Variants in ANK2 observed in about 807,000 individuals in gnomAD.
ANK2 encodes ankyrin-2.
ANK2 carries 83 observed loss-of-function variants against 360.5 expected under a neutral mutation model. The observed-to-expected ratio is 0.23, with a 90% CI of 0.19 to 0.28. The LOEUF is 0.28. ANK2 is among the 10% of genes least tolerant of loss of function. The probability of loss-of-function intolerance (pLI) is 1.00; values close to 1 mark genes in which losing one functional copy is unlikely to be tolerated. For synonymous variants in ANK2, 1,740 were observed against 1,759.5 expected (o/e 0.99, Z 0.28); for missense variants, 4,201 against 4,795.7 (o/e 0.88, Z 3.66).
At chr4:112,728,417 A>G in the ANK2 span, among the ~76,000 whole-genome samples, 2 of 152,114 alleles carry the variant, frequency 1.3e-5, no homozygotes, top group Non-Finnish European at 2.9e-5. Context: ...GAAGAAATTG[A>G]TACATTCTTA....
At chr4:112,832,223 C>G in intron 1 of ANK2, among the ~76,000 whole-genome samples, 1 of 152,270 alleles carries the variant, frequency 6.6e-6, no homozygotes, top group Middle Eastern at 3.4e-3. Context: ...AGGCTAATTT[C>G]TGTATTTTTA....
the ANK2 span, among the ~76,000 whole-genome samples, chr4:112,781,763 A>G: frequency 6.6e-6 from 1 of 151,946 alleles, no homozygotes; most frequent in South Asian, 2.1e-4. Flanking sequence ...CAAGCAACGA[A>G]TTTTAACAGT....
Position 113,373,467 on chromosome 4 carries a change from T to C in ANK2, c.11859+18T>C. The C allele has an allele frequency of 6.2e-7, 1 of 1,613,616 alleles. No homozygotes were observed. On this transcript the variant is annotated intron_variant, in intron 45 of 45. Coordinates refer to ENST00000357077, the MANE Select transcript of ANK2 (RefSeq NM_001148.6). ...AGTCAGAGGTGAGACAACCTGATTC[T>C]CTAAAACCCATTTGATGGAGAGGAA...
intron 1 of ANK2, among the ~76,000 whole-genome samples, chr4:113,050,506 G>C (rs2066491632): frequency 6.6e-6 from 1 of 152,138 alleles, no homozygotes; most frequent in South Asian, 2.1e-4. Flanking sequence ...TCATGGAAAT[G>C]ATAGCAGCGA....
chr4:113,287,436 C>A (rs1313028655), intron 18 of ANK2, among the ~76,000 whole-genome samples, 169 bp from the exon 19 acceptor site: 3 of 152,104 alleles, frequency 2.0e-5, no homozygotes, highest in Non-Finnish European at 4.4e-5. Flanking sequence ...AGAGGAAACA[C>A]CATTAATTTA....
rs1232033307 is a variant in ANK2, at chr4:113,356,871, C to T, written c.8253C>T (p.Ser2751=). 6.2e-7 allele frequency: 1 copy of T among 1,613,972 alleles called. No individual in the cohort carries two copies. The highest frequency in any genetic ancestry group is 1.7e-5 in the Admixed American group (1 of 60,020). The change falls in exon 38 of 46, where the codon TCC becomes TCT. Residue 2751 remains serine, a synonymous_variant. Transcript: ENST00000357077. Reference sequence around the variant, plus strand: ...TAGCTGAAGACCGTCATGCTGTTTCCACTGAGGCTGAAGACAGGTCTTATG... The same window carrying T: ...TAGCTGAAGACCGTCATGCTGTTTCTACTGAGGCTGAAGACAGGTCTTATG... ...SHLAEDRHAV[S]TEAEDRSYDK...
At chr4:113,310,882 T>A (rs1664986745) in intron 23 of ANK2, among the ~76,000 whole-genome samples, 1 of 152,244 alleles carries the variant, frequency 6.6e-6, no homozygotes, top group Admixed American at 6.5e-5. Context: ...AAACTCATAT[T>A]TTTTTCTGAA....
intron 2 of ANK2, among the ~76,000 whole-genome samples, chr4:113,027,266 A>C (rs907684693): frequency 1.3e-5 from 2 of 152,132 alleles, no homozygotes; most frequent in Non-Finnish European, 2.9e-5. Flanking sequence ...GTGTATATTC[A>C]GAAGTTCAGT....
At chr4:112,836,045 T>C (rs922125415) in intron 1 of ANK2, among the ~76,000 whole-genome samples, 1 of 152,206 alleles carries the variant, frequency 6.6e-6, no homozygotes, top group Non-Finnish European at 1.5e-5. Context: ...CTTTCTATCC[T>C]GGGAGGCTGA....
chr4:113,135,521 C>CTGTG (rs72311638), intron 1 of ANK2, among the ~76,000 whole-genome samples: 6,871 of 147,986 alleles, frequency 0.046, 174 homozygotes, highest in Non-Finnish European at 0.063. Flanking sequence ...GTGTGTGTCT[C>CTGTG]TCTGTGTGTG....
At chr4:112,820,682 A>T (rs1291178825) in intron 1 of ANK2, among the ~76,000 whole-genome samples, 1 of 151,842 alleles carries the variant, frequency 6.6e-6, no homozygotes, top group Non-Finnish European at 1.5e-5. Flanking sequence ...TAATCCTCCT[A>T]CCTTAGCCTC....
At position 113,293,545 on chromosome 4, in the gene ANK2, A is replaced by G. The variant is rs1387947512; in HGVS notation, c.2475+7A>G. 2 of 1,607,688 alleles carry G rather than the reference A, an allele frequency of 1.2e-6. No individual in the cohort carries two copies. The highest frequency in any genetic ancestry group is 2.2e-5 in the East Asian group (1 of 44,844). On this transcript the variant is annotated splice_region_variant and intron_variant, in intron 22 of 45. Transcript: ENST00000357077. ...GGTCACCACCACCACCACAGTGAGT[A>G]TGAGTGACTGACTAGCTTCAGCCCT...
chr4:113,167,699 C>T (rs1378342640), intron 1 of ANK2, among the ~76,000 whole-genome samples: 2 of 152,156 alleles, frequency 1.3e-5, no homozygotes, highest in East Asian at 3.8e-4. Flanking sequence ...AGGAAGTGTA[C>T]ATACCTGTTA....
At chr4:112,860,688 G>C (rs1044763712) in intron 1 of ANK2, among the ~76,000 whole-genome samples, 18 of 152,138 alleles carry the variant, frequency 1.2e-4, no homozygotes, top group African/African-American at 4.1e-4. Flanking sequence ...GGCTTGCTTA[G>C]TTAGTGGGTT....
chr4:112,706,100 G>A, the ANK2 span, among the ~76,000 whole-genome samples: 2 of 151,252 alleles, frequency 1.3e-5, no homozygotes, highest in Non-Finnish European at 3.0e-5. Context: ...AGGAGACGCG[G>A]GAGACCCGGG....
intron 1 of ANK2, among the ~76,000 whole-genome samples, chr4:113,157,059 G>C (rs1348759800): frequency 6.6e-6 from 1 of 151,846 alleles, no homozygotes; most frequent in African/African-American, 2.4e-5. Context: ...TGTTTCTTAA[G>C]GTTTTATAAC....
intron 10 of ANK2, among the ~76,000 whole-genome samples, chr4:113,253,510 A>G (rs2047622934): frequency 6.6e-6 from 1 of 152,164 alleles, no homozygotes; most frequent in African/African-American, 2.4e-5. Context: ...AGCACTGGAT[A>G]TAACACCCAC....
At chr4:113,109,079 C>T (rs2093991165) in intron 1 of ANK2, among the ~76,000 whole-genome samples, 1 of 151,914 alleles carries the variant, frequency 6.6e-6, no homozygotes, top group African/African-American at 2.4e-5. Flanking sequence ...TTATAATCAT[C>T]TGTTCTTACG....
At chr4:113,257,325 A>G (rs1256183724) in intron 11 of ANK2, among the ~76,000 whole-genome samples, 1 of 152,230 alleles carries the variant, frequency 6.6e-6, no homozygotes, top group Non-Finnish European at 1.5e-5. Context: ...CAAGTTAGAA[A>G]GTACCTGACA....
Sources: gnomAD v4.1 joint callset for allele counts (sites outside exome capture counted in the v4.1 genomes callset) on GRCh38, gnomAD v4.1.1 for gene constraint, MANE v1.5 for transcripts, NCBI Gene and HGNC (gene_info 2026-07-23, HGNC 2026-07-21) for gene names.